Variants in FTO observed in about 807,000 individuals in gnomAD.
FTO encodes the protein FTO alpha-ketoglutarate dependent dioxygenase, also known as alpha-ketoglutarate-dependent dioxygenase FTO.
In FTO, 47 loss-of-function variants were observed where a neutral mutation model predicts 63.9. That is an observed-to-expected ratio of 0.74 (90% CI 0.58 to 0.94). The LOEUF (loss-of-function observed/expected upper bound fraction) is 0.94, where lower values mean the gene tolerates loss of function less well. Ranked by LOEUF, FTO falls within the 40% of genes least tolerant of loss-of-function variation. The probability of loss-of-function intolerance (pLI) is 0.00; values close to 1 mark genes in which losing one functional copy is unlikely to be tolerated. For missense variants in FTO, 562 were observed against 618.1 expected, an observed-to-expected ratio of 0.91 and a Z score of 0.96; for synonymous variants, 207 against 224.4, an observed-to-expected ratio of 0.92 and a Z score of 0.69.
chr16:53,858,101 A>G (rs1319748029), intron 4 of FTO, among the ~76,000 whole-genome samples: 1 of 152,188 alleles, frequency 6.6e-6, no homozygotes, highest in Admixed American at 6.5e-5. Context: ...AATTAGACCA[A>G]ATAATTATAA....
chr16:53,778,432 G>T (rs992048153), intron 1 of FTO, among the ~76,000 whole-genome samples: 1 of 152,054 alleles, frequency 6.6e-6, no homozygotes, highest in African/African-American at 2.4e-5. Flanking sequence ...GTTTGGTACC[G>T]CTGGCTTGAT....
At chr16:54,028,368 A>G (rs1215003702) in intron 8 of FTO, among the ~76,000 whole-genome samples, 1 of 152,176 alleles carries the variant, frequency 6.6e-6, no homozygotes, top group Admixed American at 6.5e-5. Flanking sequence ...TTTTCAGAAT[A>G]TGTTGGGTGG....
chr16:54,010,166 C>A (rs1263365751), intron 8 of FTO, among the ~76,000 whole-genome samples: 1 of 152,138 alleles, frequency 6.6e-6, no homozygotes, highest in Non-Finnish European at 1.5e-5. Flanking sequence ...GTAATCCCAG[C>A]ACTTTGGGAG....
intron 8 of FTO, among the ~76,000 whole-genome samples, chr16:54,031,924 A>G (rs1412463879): frequency 6.6e-6 from 1 of 152,200 alleles, no homozygotes; most frequent in African/African-American, 2.4e-5. Flanking sequence ...GTAGAATTCC[A>G]TATGAGAGTG....
In FTO at chr16:54,115,182, A is replaced by C. The variant is rs535260492; in HGVS notation, c.*3267A>C. The C allele has an allele frequency of 6.6e-6, 1 of 152,262 alleles. No homozygotes were observed. Among genetic ancestry groups the C allele is most frequent in the Non-Finnish European group, 1.5e-5 (1 of 68,120 alleles). The allele number at this position is 152,262 out of a possible 1,614,324, so 9.4% of individuals were successfully genotyped here. Reference sequence around the variant, plus strand: ...AGCAGCCCCCTCCTGCTTTCCTGCCAGTCCTCCCTGTGGTCCCAGGTCTCT... The same window carrying C: ...AGCAGCCCCCTCCTGCTTTCCTGCCCGTCCTCCCTGTGGTCCCAGGTCTCT... On this transcript the variant is annotated 3_prime_UTR_variant, in exon 9 of 9. Transcript: ENST00000471389.
intron 8 of FTO, among the ~76,000 whole-genome samples, chr16:53,971,376 A>G (rs1233035482): frequency 6.6e-6 from 1 of 152,200 alleles, no homozygotes; most frequent in African/African-American, 2.4e-5. Context: ...CGTTGCACCA[A>G]TTTACACTGC....
chr16:54,062,561 A>T (rs2085607208), intron 8 of FTO, among the ~76,000 whole-genome samples: 1 of 152,114 alleles, frequency 6.6e-6, no homozygotes, highest in Non-Finnish European at 1.5e-5. Flanking sequence ...TATAATTTGT[A>T]GAGACCTCGG....
chr16:53,878,354 C>T (rs2080727855), intron 5 of FTO, among the ~76,000 whole-genome samples: 1 of 151,946 alleles, frequency 6.6e-6, no homozygotes, highest in Non-Finnish European at 1.5e-5. Context: ...AATGAGTGGT[C>T]ATTCACCTTT....
chr16:54,001,821 C>T (rs1201398033), intron 8 of FTO, among the ~76,000 whole-genome samples: 2 of 152,182 alleles, frequency 1.3e-5, no homozygotes, highest in African/African-American at 4.8e-5. Flanking sequence ...TGAACAGCCT[C>T]ACAAGACTCC....
At chr16:53,941,771 C>T (rs569522249) in intron 8 of FTO, among the ~76,000 whole-genome samples, 5 of 152,320 alleles carry the variant, frequency 3.3e-5, no homozygotes, top group Admixed American at 2.6e-4. Flanking sequence ...AGCACTTGAG[C>T]CCAGGAGGCA....
rs116930710 is a variant in FTO, at chr16:53,889,544, C to A, written c.1239+593C>A. On this transcript the variant is annotated intron_variant, in intron 7 of 8. Coordinates refer to ENST00000471389, the MANE Select transcript of FTO (RefSeq NM_001080432.3). The stretch of plus-strand genomic sequence containing the variant: ...TTGAAATCTGGTAATAGATGTGAAA[C>A]GTTAAAAGAAAATCATAGTTCCAGA... Among the ~76,000 whole-genome samples, 6 of 152,202 alleles carry A rather than the reference C, an allele frequency of 3.9e-5. No homozygotes were observed. The East Asian group carries it at 1.2e-3, about 29-fold the overall frequency.
At position 54,073,614 on chromosome 16, in the gene FTO, T is replaced by TC. The variant is rs1353510700; in HGVS notation, c.1365-38144dup. ...GCTCTCTCTCTTCTCTCTCTCTCTCTCCCCTTTTTTTTTTTGAGGAGGGAG... is the reference window on the plus strand; with the variant it reads ...GCTCTCTCTCTTCTCTCTCTCTCTCTCCCCCTTTTTTTTTTTGAGGAGGGAG... On this transcript the variant is annotated intron_variant, in intron 8 of 8. Coordinates refer to ENST00000471389, the MANE Select transcript of FTO (RefSeq NM_001080432.3). Among the ~76,000 whole-genome samples the TC allele has an allele frequency of 6.1e-5, 9 of 148,592 alleles. No individual in the cohort carries two copies. The East Asian group carries it at 1.8e-3, about 29-fold the overall frequency.
intron 3 of FTO, among the ~76,000 whole-genome samples, chr16:53,836,698 C>A (rs1007574175): frequency 6.6e-6 from 1 of 152,202 alleles, no homozygotes; most frequent in Non-Finnish European, 1.5e-5. Flanking sequence ...TAAGAACTGG[C>A]GTCTCACTGG....
intron 1 of FTO, among the ~76,000 whole-genome samples, chr16:53,752,708 T>A (rs1485613772): frequency 2.0e-5 from 3 of 152,202 alleles, no homozygotes; most frequent in African/African-American, 7.2e-5. Flanking sequence ...GTGGTTCCAC[T>A]GTAATTTTAA....
intron 8 of FTO, among the ~76,000 whole-genome samples, chr16:54,098,981 A>G (rs1300500833): frequency 6.6e-6 from 1 of 152,232 alleles, no homozygotes; most frequent in African/African-American, 2.4e-5. Context: ...CTGAAGTTTG[A>G]GACTGTCCCA....
rs2078250997 is a variant in FTO, at chr16:53,802,376, T to A, written c.46-7764T>A. 2.0e-5 allele frequency among the ~76,000 whole-genome samples: 3 copies of A among 152,326 alleles called. 1 individual carries two copies. The Middle Eastern group carries it at 0.01, about 518-fold the overall frequency. On this transcript the variant is annotated intron_variant, in intron 1 of 8. Transcript: ENST00000471389. ...TGGTATAGCTGCAACCATCCATTTT[T>A]TTTTTCAGCAATATTTTTTATCTGA...
chr16:53,802,860 C>T (rs2078262598), intron 1 of FTO, among the ~76,000 whole-genome samples: 2 of 152,140 alleles, frequency 1.3e-5, no homozygotes, highest in South Asian at 2.1e-4. Flanking sequence ...TATCTTGCCT[C>T]TCAGATATTG....
intron 1 of FTO, among the ~76,000 whole-genome samples, chr16:53,730,956 T>C (rs2076257797): frequency 6.6e-6 from 1 of 152,216 alleles, no homozygotes; most frequent in Admixed American, 6.5e-5. Flanking sequence ...CATTTGTATG[T>C]GCATTTTTAA....
At chr16:54,059,635 T>C (rs1290584865) in intron 8 of FTO, among the ~76,000 whole-genome samples, 1 of 152,092 alleles carries the variant, frequency 6.6e-6, no homozygotes, top group Non-Finnish European at 1.5e-5. Context: ...GCAATAAGAG[T>C]GCATTACTGT....
Sources: gnomAD v4.1 joint callset for allele counts (sites outside exome capture counted in the v4.1 genomes callset) on GRCh38, gnomAD v4.1.1 for gene constraint, MANE v1.5 for transcripts, NCBI Gene and HGNC (gene_info 2026-07-23, HGNC 2026-07-21) for gene names.